CCDC73: variants seen among roughly 807,000 people sequenced by gnomAD.
The protein encoded by CCDC73 is coiled-coil domain containing 73, also known as coiled-coil domain-containing protein 73.
CCDC73 carries 95 observed loss-of-function variants against 116.5 expected under a neutral mutation model. The ratio of observed to expected loss-of-function variants is 0.82; its 90% CI spans 0.69 to 0.97. The LOEUF (loss-of-function observed/expected upper bound fraction) is 0.97. Among genes scored for constraint, CCDC73 ranks in the 50% least tolerant of loss-of-function variants. The pLI is 0.00. For missense variants in CCDC73, 1,066 were observed against 1,206.8 expected, an observed-to-expected ratio of 0.88 and a Z score of 1.73; for synonymous variants, 398 against 401.3, an observed-to-expected ratio of 0.99 and a Z score of 0.10.
chr11:32,761,694 GTGT>G (rs1342150680), intron 1 of CCDC73, among the ~76,000 whole-genome samples: 5 of 152,144 alleles, frequency 3.3e-5, no homozygotes, highest in Non-Finnish European at 5.9e-5. Context: ...GGGTATGTGT[GTGT>G]ATATATGGGG....
intron 4 of CCDC73, among the ~76,000 whole-genome samples, chr11:32,701,564 A>C (rs912447695): frequency 6.6e-6 from 1 of 151,992 alleles, no homozygotes; most frequent in East Asian, 1.9e-4. Context: ...AATTTTTTTA[A>C]GCACCTGTAG....
chr11:32,655,096 A>ATTAAAGTGTATTTTCCCT (rs57068465), intron 9 of CCDC73, 124 bp from the exon 10 acceptor site: 218,865 of 515,402 alleles, frequency 0.42, 53,273 homozygotes, highest in African/African-American at 0.66. Context: ...ATTCCCTTGC[A>ATTAAAGTGTATTTTCCCT]AGTTCCCTTG....
At chr11:32,808,093 C>T in the CCDC73 span, among the ~76,000 whole-genome samples, 1 of 151,784 alleles carries the variant, frequency 6.6e-6, no homozygotes, top group South Asian at 2.1e-4. Flanking sequence ...AGCATGTGTA[C>T]AACAAAGTTG....
At chr11:32,759,990 A>T in intron 2 of CCDC73, 119 bp downstream of exon 2, 1 of 783,726 alleles carries the variant, frequency 1.3e-6, no homozygotes, top group South Asian at 1.6e-5. Context: ...CATTAATTGG[A>T]CTATATATTT....
intron 14 of CCDC73, among the ~76,000 whole-genome samples, chr11:32,627,477 C>G (rs969173178): frequency 1.3e-5 from 2 of 152,150 alleles, no homozygotes; most frequent in Non-Finnish European, 2.9e-5. Flanking sequence ...TGGGTATATA[C>G]CCAAAGGATT....
Position 32,644,183 on chromosome 11 carries a change from A to G in CCDC73, c.940-2101T>C, listed in dbSNP as rs528851885. ...AAAAGAGTGAGATCATGTCCTTTGC[A>G]GCAACATGGATGGAGCTGGAGGCCA... is the stretch of plus-strand genomic sequence containing the variant. On this transcript the variant is annotated intron_variant, in intron 12 of 17. Transcript: ENST00000335185. 1.2e-4 allele frequency among the ~76,000 whole-genome samples: 18 copies of G among 152,308 alleles called. No homozygotes were observed. In the South Asian group the frequency reaches 3.3e-3, roughly 28 times the overall value.
At chr11:32,710,593 T>A (rs908526972) in intron 3 of CCDC73, among the ~76,000 whole-genome samples, 1 of 152,196 alleles carries the variant, frequency 6.6e-6, no homozygotes, top group Non-Finnish European at 1.5e-5. Context: ...GAGACTTGTT[T>A]TGTGGCCTAT....
chr11:32,759,305 C>T (rs1850369996), intron 2 of CCDC73, among the ~76,000 whole-genome samples: 1 of 149,898 alleles, frequency 6.7e-6, no homozygotes. Flanking sequence ...TATAGATAGC[C>T]TGCTGAAACC....
rs544491977 is a variant in CCDC73 at position 32,727,641 on chromosome 11, C to T, written c.136-9494G>A. Among the ~76,000 whole-genome samples the T allele has an allele frequency of 8.5e-5, 13 of 152,222 alleles. No individual in the cohort carries two copies. The East Asian group carries it at 2.1e-3, about 25-fold the overall frequency. ...AGGCTGGAGCGCAGTGGCGCCATCT[C>T]GGCTCACTGCAACCTCTGCCTCCTG... On this transcript the variant is annotated intron_variant, in intron 2 of 17. Coordinates refer to ENST00000335185, the MANE Select transcript of CCDC73 (RefSeq NM_001008391.4).
At chr11:32,632,434 C>T (rs1855640012) in intron 14 of CCDC73, among the ~76,000 whole-genome samples, 1 of 152,126 alleles carries the variant, frequency 6.6e-6, no homozygotes, top group African/African-American at 2.4e-5. Flanking sequence ...CCATGTTGCC[C>T]AGGGTGGTCT....
chr11:32,790,705 G>A (rs929456564), intron 1 of CCDC73, among the ~76,000 whole-genome samples: 5 of 151,814 alleles, frequency 3.3e-5, no homozygotes, highest in African/African-American at 1.2e-4. Context: ...ATAAATTTTA[G>A]AAATTTAAAA....
At chr11:32,637,633 TCTC>T (rs754834232) in intron 13 of CCDC73, among the ~76,000 whole-genome samples, 3 of 147,812 alleles carry the variant, frequency 2.0e-5, no homozygotes, top group East Asian at 2.0e-4. Context: ...CACACACCCC[TCTC>T]CTCTCTCTCT....
chr11:32,609,841 G>A (rs566274506), intron 17 of CCDC73, among the ~76,000 whole-genome samples: 89 of 152,032 alleles, frequency 5.9e-4, no homozygotes, highest in Non-Finnish European at 9.1e-4. Flanking sequence ...GTGCAGTGGC[G>A]TGATCTCGGC....
rs773064565 is a variant in CCDC73, at chr11:32,614,602, G to A, written c.1716C>T (p.Asn572=). The A allele has an allele frequency of 3.1e-6, 5 of 1,611,020 alleles. No individual in the cohort carries two copies. The East Asian group carries it at 8.9e-5, about 29-fold the overall frequency. The part of the protein sequence containing the change: ...HTDVNLEVEN[N]KTSFNSILNE... ...TTAAAATACTGTTAAATGATGTTTT[G>A]TTATTTTCAACCTCCAGATTTACAT... is the stretch of plus-strand genomic sequence containing the variant. The change falls in exon 16 of 18, where the codon AAC becomes AAT. Residue 572 remains asparagine (N), a synonymous_variant. Coordinates refer to ENST00000335185, the MANE Select transcript of CCDC73 (RefSeq NM_001008391.4).
At chr11:32,672,814 C>T (rs951885854) in intron 9 of CCDC73, among the ~76,000 whole-genome samples, 8 of 152,128 alleles carry the variant, frequency 5.3e-5, no homozygotes, top group African/African-American at 1.9e-4. Context: ...AATAGACAGA[C>T]TTTTAAGGGC....
chr11:32,798,614 C>T (rs139723126), upstream of CCDC73, among the ~76,000 whole-genome samples: 77 of 152,158 alleles, frequency 5.1e-4, no homozygotes, highest in Middle Eastern at 6.8e-3. Flanking sequence ...TCTTATTATT[C>T]GTTATTATTG....
chr11:32,637,832 T>TATATA, intron 13 of CCDC73, among the ~76,000 whole-genome samples: 1 of 152,340 alleles, frequency 6.6e-6, no homozygotes, highest in Non-Finnish European at 1.5e-5. Context: ...CTAATAAATC[T>TATATA]TAAATCTATA....
At chr11:32,790,500 G>GCCT (rs1218580116) in intron 1 of CCDC73, among the ~76,000 whole-genome samples, 2 of 152,064 alleles carry the variant, frequency 1.3e-5, no homozygotes, top group Non-Finnish European at 2.9e-5. Flanking sequence ...TAACCTCCAA[G>GCCT]TGAGGAAAAG....
At chr11:32,603,942 C>T (rs1032426835) in intron 17 of CCDC73, 1 of 152,200 alleles carries the variant, frequency 6.6e-6, no homozygotes. Context: ...TGGCATGCAA[C>T]TGTAGTCCCA....
Sources: gnomAD v4.1 joint callset for allele counts (sites outside exome capture counted in the v4.1 genomes callset) on GRCh38, gnomAD v4.1.1 for gene constraint, MANE v1.5 for transcripts, NCBI Gene and HGNC (gene_info 2026-07-23, HGNC 2026-07-21) for gene names.